SLC16A7: variants seen among roughly 807,000 people sequenced by gnomAD.
SLC16A7 encodes monocarboxylate transporter 2.
A neutral mutation model predicts 34.9 loss-of-function variants in SLC16A7; 33 were observed. The observed-to-expected ratio is 0.94, with a 90% CI of 0.72 to 1.26. The LOEUF is 1.26. Among genes scored for constraint, SLC16A7 ranks in the 50% most tolerant of loss-of-function variants. The pLI, the probability that SLC16A7 is intolerant of heterozygous loss-of-function variation, is 0.00. For synonymous variants in SLC16A7, 201 were observed against 206.6 expected (o/e 0.97, Z 0.23); for missense variants, 573 against 578.1 (o/e 0.99, Z 0.09).
chr12:59,654,054 AT>A (rs1416621445), intron 1 of SLC16A7, among the ~76,000 whole-genome samples: 7 of 151,254 alleles, frequency 4.6e-5, no homozygotes, highest in African/African-American at 1.7e-4. Context: ...ATATATTCCA[AT>A]TTTTTTAACT....
intron 1 of SLC16A7, among the ~76,000 whole-genome samples, chr12:59,623,774 G>T (rs1879802719): frequency 1.3e-5 from 2 of 151,472 alleles, no homozygotes; most frequent in African/African-American, 4.8e-5. Flanking sequence ...TTTTGCGAAG[G>T]ATGTTTAAGA....
intron 2 of SLC16A7, among the ~76,000 whole-genome samples, chr12:59,702,440 C>T (rs998185206): frequency 6.6e-6 from 1 of 151,872 alleles, no homozygotes; most frequent in African/African-American, 2.4e-5. Flanking sequence ...ATGCTGAAAA[C>T]ATACAAACCA....
At chr12:59,684,267 C>G (rs1378414805) in intron 2 of SLC16A7, among the ~76,000 whole-genome samples, 1 of 152,156 alleles carries the variant, frequency 6.6e-6, no homozygotes, top group Non-Finnish European at 1.5e-5. Context: ...GTGAAAATTA[C>G]TGACACCAAA....
At chr12:59,754,185 C>CAA (rs1879979062) in intron 3 of SLC16A7, among the ~76,000 whole-genome samples, 2 of 152,144 alleles carry the variant, frequency 1.3e-5, no homozygotes, top group Admixed American at 1.3e-4. Flanking sequence ...CCTAACATAT[C>CAA]AATTAAAAGA....
At chr12:59,620,888 C>T (rs1030911227) in intron 1 of SLC16A7, among the ~76,000 whole-genome samples, 9 of 151,830 alleles carry the variant, frequency 5.9e-5, no homozygotes, top group Non-Finnish European at 1.2e-4. Context: ...AAAAATTATC[C>T]TTCACACCAA....
intron 2 of SLC16A7, among the ~76,000 whole-genome samples, chr12:59,701,329 A>G (rs1872851884): frequency 6.6e-6 from 1 of 151,800 alleles, no homozygotes; most frequent in Non-Finnish European, 1.5e-5. Context: ...AGAGTAAATG[A>G]TGGAGCCAGT....
chr12:59,680,098 A>G (rs1870629620), intron 2 of SLC16A7, among the ~76,000 whole-genome samples: 1 of 152,228 alleles, frequency 6.6e-6, no homozygotes. Context: ...ATCAAGGAAA[A>G]GCAAGTTAGG....
chr12:59,622,961 G>C (rs1341139264), intron 1 of SLC16A7, among the ~76,000 whole-genome samples: 1 of 151,238 alleles, frequency 6.6e-6, no homozygotes, highest in East Asian at 1.9e-4. Context: ...TTTCTGCATG[G>C]TGGGAGGGGA....
intron 3 of SLC16A7, among the ~76,000 whole-genome samples, chr12:59,726,294 A>G (rs1444833346): frequency 6.6e-6 from 1 of 152,162 alleles, no homozygotes; most frequent in South Asian, 2.1e-4. Flanking sequence ...ATTTTTAGGT[A>G]GCCAAAATGT....
intron 1 of SLC16A7, among the ~76,000 whole-genome samples, chr12:59,603,300 C>T (rs1381396250): frequency 2.0e-5 from 3 of 152,120 alleles, no homozygotes; most frequent in Non-Finnish European, 4.4e-5. Flanking sequence ...ACTCCCATCA[C>T]CTAGGTCCAA....
rs1342118233 is a variant in SLC16A7, at chr12:59,768,205, T to C, written c.218-3014T>C. 6 of 455,802 alleles carry C rather than the reference T, an allele frequency of 1.3e-5. No individual in the cohort carries two copies. The Admixed American group carries it at 1.4e-4, about 11-fold the overall frequency. The allele number at this position is 455,802 out of a possible 1,614,324, so 28.2% of individuals were successfully genotyped here. A position where few individuals can be genotyped will look rare whatever the true frequency, so the allele number is the denominator to read the frequency against. ...TCTGGAAAGGATTTGCTATTCTAGA[T>C]AACATCACGATCATTCACTGTTATG... On this transcript the variant is annotated intron_variant, in intron 3 of 5. Transcript: ENST00000547379.
intron 1 of SLC16A7, among the ~76,000 whole-genome samples, chr12:59,654,016 T>C (rs1432942387): frequency 1.3e-5 from 2 of 151,756 alleles, no homozygotes; most frequent in East Asian, 3.9e-4. Context: ...ATTTTTTAAA[T>C]AAAGAATCAG....
chr12:59,712,794 T>C (rs938548560), intron 3 of SLC16A7, among the ~76,000 whole-genome samples: 2 of 152,126 alleles, frequency 1.3e-5, no homozygotes, highest in African/African-American at 4.8e-5. Context: ...GTCATGTGAT[T>C]TGGTCAGCAT....
chr12:59,733,892 A>G (rs1877268046), intron 3 of SLC16A7: 2 of 450,938 alleles, frequency 4.4e-6, no homozygotes, highest in African/African-American at 2.0e-5. Flanking sequence ...CAAAGTGGGT[A>G]TCTCCTTCCC....
chr12:59,648,224 T>G (rs1030019350), intron 1 of SLC16A7, among the ~76,000 whole-genome samples: 11 of 152,096 alleles, frequency 7.2e-5, no homozygotes, highest in Non-Finnish European at 1.5e-4. Flanking sequence ...CCTGCTGAAA[T>G]TGAAACATAT....
At chr12:59,644,461 GGAGGCT>G (rs1880822936) in intron 1 of SLC16A7, among the ~76,000 whole-genome samples, 2 of 152,126 alleles carry the variant, frequency 1.3e-5, no homozygotes, top group Admixed American at 1.3e-4. Context: ...CAGCTACTTG[GGAGGCT>G]GAGGCACGAG....
At position 59,788,655 on chromosome 12, in the gene SLC16A7, A is replaced by G. The variant is rs1436668730; in HGVS notation, c.*8976A>G. 6.6e-6 allele frequency: 1 copy of G among 151,986 alleles called. No homozygotes were observed. The highest frequency in any genetic ancestry group is 1.5e-5 in the Non-Finnish European group (1 of 67,952). The allele number at this position is 151,986 out of a possible 1,614,324, so 9.4% of individuals were successfully genotyped here. ...TTCTTTTTTTGCCTTCTTACACATG[A>G]ATGTACTTAAAGTATTGTTATGTGA... is the stretch of plus-strand genomic sequence containing the variant. On this transcript the variant is annotated 3_prime_UTR_variant, in exon 6 of 6. Transcript: ENST00000547379.
chr12:59,741,593 G>A (rs769269857), intron 3 of SLC16A7, among the ~76,000 whole-genome samples: 11 of 152,152 alleles, frequency 7.2e-5, no homozygotes, highest in East Asian at 3.9e-4. Flanking sequence ...TACAGTCACC[G>A]TTTTCAGTTA....
chr12:59,704,969 T>G lies in SLC16A7; in HGVS notation c.168T>G (p.Ser56Arg). The G allele has an allele frequency of 6.2e-7, 1 of 1,613,686 alleles. No individual in the cohort carries two copies. Among genetic ancestry groups the G allele is most frequent in the Non-Finnish European group, 8.5e-7 (1 of 1,179,710 alleles). Residue 56 changes from serine (S) to arginine (R), a missense_variant, in exon 3 of 6, where the codon AGT becomes AGG. By Grantham distance (110) the Ser-to-Arg change is moderately radical. Coordinates refer to ENST00000547379, the MANE Select transcript of SLC16A7 (RefSeq NM_001270623.2). ...AGCAAATATTCCACACTACCTACAG[T>G]GAAATAGCATGGATTTCATCCATTA... ...EIQQIFHTTY[S>R]EIAWISSIML...
Sources: allele counts gnomAD v4.1 joint callset (sites outside exome capture counted in the v4.1 genomes callset), GRCh38; gene constraint gnomAD v4.1.1; transcripts MANE v1.5; gene names NCBI Gene and HGNC (gene_info 2026-07-23, HGNC 2026-07-21).